The following MEAK7 variants were observed in gnomAD, a reference collection of about 807,000 sequenced individuals.
The protein encoded by MEAK7 is MTOR associated protein MEAK7.
MEAK7 carries 68 observed loss-of-function variants against 40.5 expected under a neutral mutation model. The ratio of observed to expected loss-of-function variants is 1.68; its 90% CI spans 1.38 to 2.06. The LOEUF (loss-of-function observed/expected upper bound fraction) is 2.06. Among genes scored for constraint, MEAK7 ranks in the 30% most tolerant of loss-of-function variants. The pLI, the probability that MEAK7 is intolerant of heterozygous loss-of-function variation, is 0.00. For synonymous variants in MEAK7, 338 were observed against 231.9 expected (o/e 1.46, Z -4.16); for missense variants, 918 against 580.5 (o/e 1.58, Z -5.98).
chr16:84,500,862 G>C (rs973806163), intron 1 of MEAK7, among the ~76,000 whole-genome samples: 2 of 152,036 alleles, frequency 1.3e-5, no homozygotes, highest in Non-Finnish European at 2.9e-5. Context: ...TGCAAGGTGG[G>C]CCACACCATC....
rs201850003 is a variant in MEAK7 at position 84,486,699 on chromosome 16, T to C, written c.890A>G (p.Glu297Gly). 7.4e-6 allele frequency: 12 copies of C among 1,614,044 alleles called. No individual in the cohort carries two copies. The highest frequency in any genetic ancestry group is 9.3e-6 in the Non-Finnish European group (11 of 1,180,028). Residue 297 changes from glutamate (E) to glycine (G), a missense_variant, in exon 5 of 8, where the codon GAG becomes GGG. Transcript: ENST00000343629. The part of the protein sequence containing the change: ...THRGPCVAVL[E>G]DHDKHVFGGF... ...ACCGAACACATGCTTGTCATGGTCC[T>C]CGAGGACAGCCACACAGGGTCCCCG... is the stretch of plus-strand genomic sequence containing the variant.
intron 3 of MEAK7, among the ~76,000 whole-genome samples, chr16:84,491,732 G>A (rs1004584168): frequency 1.3e-5 from 2 of 151,608 alleles, no homozygotes; most frequent in East Asian, 1.9e-4. Flanking sequence ...CAGCCACTTG[G>A]GAAGCTAAGG....
chr16:84,485,632 A>ATCTG (rs1164767715), intron 5 of MEAK7, among the ~76,000 whole-genome samples: 32 of 96,156 alleles, frequency 3.3e-4, no homozygotes, highest in African/African-American at 8.8e-4. Flanking sequence ...TTCAAAAACT[A>ATCTG]TCTATCTATC....
At chr16:84,481,501 T>G (rs1260778923) in intron 6 of MEAK7, among the ~76,000 whole-genome samples, 1 of 152,048 alleles carries the variant, frequency 6.6e-6, no homozygotes, top group Non-Finnish European at 1.5e-5. Flanking sequence ...AGGTGCCAGG[T>G]GTTCTAGGTG....
Position 84,498,995 on chromosome 16 carries a change from C to G in MEAK7, c.-25-884G>C, listed in dbSNP as rs568470953. Among the ~76,000 whole-genome samples, 67 of 152,282 alleles carry G rather than the reference C, an allele frequency of 4.4e-4. 2 individuals carry two copies. The East Asian group carries it at 9.1e-3, about 21-fold the overall frequency. The stretch of plus-strand genomic sequence containing the variant: ...GTCACAGCCCAGCCTCAGAAGATTG[C>G]CGTGATTATCAACCAAGTCAACCAA... On this transcript the variant is annotated intron_variant, in intron 1 of 7. Transcript: ENST00000343629.
chr16:84,501,916 G>A (rs1473009139), intron 1 of MEAK7, among the ~76,000 whole-genome samples: 2 of 152,142 alleles, frequency 1.3e-5, no homozygotes, highest in Admixed American at 6.5e-5. Flanking sequence ...AGGCCGAGGC[G>A]GGTGGATCTC....
In MEAK7 at chr16:84,480,460, G is replaced by C. The variant is rs145146319; in HGVS notation, c.1257+69C>G. ...CAGACAGAAGAGTAAAGGGGTAATG[G>C]TAAGAAAATGCAGAAAGGCCCCCAG... On this transcript the variant is annotated intron_variant, in intron 7 of 7. Coordinates refer to ENST00000343629, the MANE Select transcript of MEAK7 (RefSeq NM_020947.4). 702 of 1,496,978 alleles carry C rather than the reference G, an allele frequency of 4.7e-4. 6 individuals are homozygous for C. The African/African-American group carries it at 8.5e-3, about 18-fold the overall frequency. 92.7% of individuals were successfully genotyped at this position (1,496,978 alleles called of 1,614,324 possible). A position where few individuals can be genotyped will look rare whatever the true frequency, so the allele number is the denominator to read the frequency against.
At chr16:84,492,389 C>G (rs1913693128) in intron 3 of MEAK7, among the ~76,000 whole-genome samples, 1 of 152,010 alleles carries the variant, frequency 6.6e-6, no homozygotes, top group Admixed American at 6.5e-5. Flanking sequence ...TAAGACTTCA[C>G]AGAGATTTAA....
At position 84,479,980 on chromosome 16, in the gene MEAK7, G is replaced by C. The variant is rs898469036; in HGVS notation, c.1304C>G (p.Ala435Gly). ...SILDADPEAQ[A>G]LLEISGHSRH... ...CGAATGCCCACTGATCTCCAGCAGG[G>C]CCTGGGCCTCAGGGTCCGCATCCAG... Residue 435 changes from alanine (A) to glycine (G), a missense_variant, in exon 8 of 8, where the codon GCC becomes GGC. Physicochemically the swap from Ala to Gly is moderately conservative, Grantham distance 60 (BLOSUM62 0). Coordinates refer to ENST00000343629, the MANE Select transcript of MEAK7 (RefSeq NM_020947.4). 3.7e-6 allele frequency: 6 copies of C among 1,609,280 alleles called. 1 individual carries two copies. Among genetic ancestry groups the C allele is most frequent in the Middle Eastern group, 3.3e-4 (2 of 6,052 alleles).
intron 2 of MEAK7, chr16:84,497,104 T>G (rs575070648): frequency 3.4e-5 from 6 of 176,014 alleles, no homozygotes; most frequent in Non-Finnish European, 7.3e-5. Context: ...CAGGATGGAG[T>G]GTGGTGGCTC....
In MEAK7 at chr16:84,478,138, T is replaced by C. The variant is rs765566257; in HGVS notation, c.*1775A>G. 6.6e-6 allele frequency: 1 copy of C among 150,616 alleles called. No individual in the cohort carries two copies. Among genetic ancestry groups the C allele is most frequent in the East Asian group, 1.9e-4 (1 of 5,194 alleles). 9.3% of individuals were successfully genotyped at this position (150,616 alleles called of 1,614,324 possible). ...AAAACATTGCAAAACAAAGTGACAA[T>C]AGGGACCTAAATTCTTTGGACTTAC... On this transcript the variant is annotated 3_prime_UTR_variant, in exon 8 of 8. Transcript: ENST00000343629.
intron 1 of MEAK7, among the ~76,000 whole-genome samples, chr16:84,501,662 G>A (rs900852655): frequency 2.6e-5 from 4 of 152,116 alleles, no homozygotes; most frequent in South Asian, 2.1e-4. Context: ...GGAGAGAGGA[G>A]GTTGCATGGG....
intron 5 of MEAK7, 45 bp downstream of exon 5, chr16:84,486,586 G>C (rs766636905): frequency 8.5e-6 from 13 of 1,537,300 alleles, no homozygotes; most frequent in Non-Finnish European, 1.1e-5. Context: ...AGAGCTCTTT[G>C]CCCGTGCTGT....
At chr16:84,489,162 G>A (rs1913345590) in intron 4 of MEAK7, 116 bp downstream of exon 4, 2 of 1,321,192 alleles carry the variant, frequency 1.5e-6, no homozygotes, top group African/African-American at 1.5e-5. Context: ...CCTAGAAGAA[G>A]GTTCGAGGGC....
At chr16:84,501,589 C>T (rs1395640911) in intron 1 of MEAK7, among the ~76,000 whole-genome samples, 1 of 152,122 alleles carries the variant, frequency 6.6e-6, no homozygotes, top group Admixed American at 6.5e-5. Flanking sequence ...CCAGGGCAGG[C>T]CCAGGAGATG....
intron 1 of MEAK7, chr16:84,499,875 A>G (rs1260196779): frequency 6.6e-6 from 1 of 152,208 alleles, no homozygotes; most frequent in Non-Finnish European, 1.5e-5. Flanking sequence ...CATCTCTACT[A>G]AAAACGTAAA....
At chr16:84,498,907 T>C (rs1914273888) in intron 1 of MEAK7, among the ~76,000 whole-genome samples, 1 of 152,344 alleles carries the variant, frequency 6.6e-6, no homozygotes, top group East Asian at 1.9e-4. Context: ...CCTAGCTGTG[T>C]AGTCTTGGGC....
intron 5 of MEAK7, among the ~76,000 whole-genome samples, chr16:84,485,425 G>A (rs1327651950): frequency 6.6e-6 from 1 of 152,184 alleles, no homozygotes; most frequent in Non-Finnish European, 1.5e-5. Flanking sequence ...TCTGCTGAAA[G>A]CTCTCCTGCA....
chr16:84,499,460 C>A (rs377443225), intron 1 of MEAK7, among the ~76,000 whole-genome samples: 20 of 152,162 alleles, frequency 1.3e-4, no homozygotes, highest in African/African-American at 4.3e-4. Flanking sequence ...ATGGTCCGCA[C>A]CAAGCCATGA....
Sources: allele counts gnomAD v4.1 joint callset (sites outside exome capture counted in the v4.1 genomes callset), GRCh38; gene constraint gnomAD v4.1.1; transcripts MANE v1.5; gene names NCBI Gene and HGNC (gene_info 2026-07-23, HGNC 2026-07-21).